Variants in PRB2 observed in about 807,000 individuals in gnomAD.
PRB2 encodes the protein proline rich protein BstNI subfamily 2.
Under a neutral mutation model 8.3 loss-of-function variants are expected in PRB2, and 12 were observed. The observed-to-expected ratio is 1.45, with a 90% CI of 0.93 to 2.35. The LOEUF is 2.35. PRB2 is among the 30% of genes most tolerant of loss of function. PRB2 has a pLI of 0.00. For synonymous variants in PRB2, 146 were observed against 180.0 expected (o/e 0.81, Z 1.51); for missense variants, 470 against 507.0 (o/e 0.93, Z 0.70).
rs764694411 is a variant in PRB2, at chr12:11,393,441, G to A, written c.637C>T (p.Gln213Ter). ...GPPPQGGNKP[Q>*]GPPPPGKPQG... ...GGCTTTCCTGGAGGTGGGGGACCTTGAGGTTTGTTGCCTCCTTGTGGGGGT... is the reference window on the plus strand; with the variant it reads ...GGCTTTCCTGGAGGTGGGGGACCTTAAGGTTTGTTGCCTCCTTGTGGGGGT... The change falls in exon 3 of 4, where the codon CAA becomes TAA. Residue 213 changes from glutamine (Q) to a stop codon, truncating the protein, a stop_gained. Coordinates refer to ENST00000389362, the MANE Select transcript of PRB2 (RefSeq NM_006248.4). LOFTEE classifies it low-confidence loss of function (END_TRUNC). 1 of 1,386,800 alleles carries A rather than the reference G, an allele frequency of 7.2e-7. No individual in the cohort carries two copies. The highest frequency in any genetic ancestry group is 9.6e-7 in the Non-Finnish European group (1 of 1,045,434). 85.9% of individuals were successfully genotyped at this position (1,386,800 alleles called of 1,614,324 possible). A position where few individuals can be genotyped will look rare whatever the true frequency, so the allele number is the denominator to read the frequency against.
Position 11,391,565 on chromosome 12 carries a change from T to A in PRB2, c.*117A>T. The stretch of plus-strand genomic sequence containing the variant: ...TTGCAAGCTAATTATTTTATTGGTA[T>A]ACAGAAGTTAGAGCTATGATGACCT... On this transcript the variant is annotated 3_prime_UTR_variant, in exon 4 of 4. Transcript: ENST00000389362. 1 of 397,362 alleles carries A rather than the reference T, an allele frequency of 2.5e-6. No homozygotes were observed. Among genetic ancestry groups the A allele is most frequent in the Non-Finnish European group, 5.0e-6 (1 of 201,736 alleles). The allele number at this position is 397,362 out of a possible 1,614,324, so 24.6% of individuals were successfully genotyped here. A position where few individuals can be genotyped will look rare whatever the true frequency, so the allele number is the denominator to read the frequency against.
chr12:11,394,399 C>T lies in PRB2; in HGVS notation c.100+96G>A, dbSNP rs200427528. On this transcript the variant is annotated intron_variant, in intron 2 of 3. Coordinates refer to ENST00000389362, the MANE Select transcript of PRB2 (RefSeq NM_006248.4). ...AGGAGCACTAACATTAATCAATTCC[C>T]GAAAGGAAAGTTTTGATAAGAAGAC... 1.8e-4 allele frequency: 262 copies of T among 1,449,952 alleles called. 1 individual carries two copies. The South Asian group carries it at 2.3e-3, about 13-fold the overall frequency. 89.8% of individuals were successfully genotyped at this position (1,449,952 alleles called of 1,614,324 possible).
rs200440137 is a variant in PRB2 at position 11,393,146 on chromosome 12, C to G, written c.932G>C (p.Gly311Ala). 4.1e-4 allele frequency: 637 copies of G among 1,542,066 alleles called. 8 individuals carry two copies. In the African/African-American group the frequency reaches 0.01, roughly 25 times the overall value. ...TGGGGGACCTTGAGGCTGGTTGCCT[C>G]CTTGTGGGGGTGGTCCTTGTGGCTT... ...PGKPQGPPPQ[G>A]GNQPQGPPPP... Residue 311 changes from glycine (G) to alanine (A), a missense_variant, in exon 3 of 4, where the codon GGA (glycine) becomes GCA (alanine). Physicochemically the swap from Gly to Ala is moderately conservative, Grantham distance 60 (BLOSUM62 0). Transcript: ENST00000389362.
At chr12:11,394,415 A>C in intron 2 of PRB2, 80 bp downstream of exon 2, 15 of 1,513,814 alleles carry the variant, frequency 9.9e-6, no homozygotes, top group Non-Finnish European at 1.4e-5. Context: ...GAAAGTTTTG[A>C]TAAGAAGACA....
chr12:11,394,314 A>G (rs996300585), intron 2 of PRB2, among the ~76,000 whole-genome samples, 181 bp downstream of exon 2: 1 of 152,126 alleles, frequency 6.6e-6, no homozygotes, highest in Non-Finnish European at 1.5e-5. Flanking sequence ...CTGCCGTTCA[A>G]TTTGGTGGCC....
intron 3 of PRB2, 31 bp downstream of exon 3, chr12:11,392,763 G>A: frequency 4.8e-6 from 6 of 1,237,884 alleles, no homozygotes; most frequent in Non-Finnish European, 6.5e-6. Context: ...AGCAATTAGA[G>A]CACTTGGTGA....
intron 1 of PRB2, 79 bp downstream of exon 1, chr12:11,395,387 C>T (rs1305180291): frequency 6.3e-7 from 1 of 1,581,622 alleles, no homozygotes; most frequent in Non-Finnish European, 8.7e-7. Context: ...TTTTCATTCT[C>T]CTCTCTTCCC....
Position 11,393,768 on chromosome 12 carries a change from G to T in PRB2, c.310C>A (p.Gln104Lys), listed in dbSNP as rs1864361089. ...PPGKPQGPPP[Q>K]GDKSRSPRSP... ...CGGGGACTTCGGGACTTGTCTCCTT[G>T]TGGGGGTGGTCCTTGTGGCTTTCCT... Residue 104 changes from glutamine (Q) to lysine (K), a missense_variant, in exon 3 of 4, where the codon CAA becomes AAA. Transcript: ENST00000389362. 5 of 1,595,556 alleles carry T rather than the reference G, an allele frequency of 3.1e-6. No homozygotes were observed. Among genetic ancestry groups the T allele is most frequent in the Non-Finnish European group, 2.6e-6 (3 of 1,172,386 alleles).
intron 1 of PRB2, among the ~76,000 whole-genome samples, chr12:11,395,159 T>G (rs1213999614): frequency 6.6e-6 from 1 of 152,068 alleles, no homozygotes; most frequent in African/African-American, 2.4e-5. Context: ...GTTTAGGATC[T>G]TCACAGCTGG....
In PRB2 at chr12:11,393,124, G is replaced by A. The variant is rs368880039; in HGVS notation, c.954C>T (p.Pro318=). The A allele has an allele frequency of 1.5e-5, 23 of 1,582,886 alleles. No individual in the cohort carries two copies. The highest frequency in any genetic ancestry group is 6.3e-5 in the African/African-American group (4 of 63,474). ...PPQGGNQPQG[P]PPPPGKPQGP... Reference sequence around the variant, plus strand: ...CTTGTGGCTTTCCTGGAGGAGGTGGGGGACCTTGAGGCTGGTTGCCTCCTT... The same window carrying A: ...CTTGTGGCTTTCCTGGAGGAGGTGGAGGACCTTGAGGCTGGTTGCCTCCTT... The change falls in exon 3 of 4, where the codon CCC becomes CCT. Residue 318 remains proline (P), a synonymous_variant. Transcript: ENST00000389362.
At position 11,393,344 on chromosome 12, in the gene PRB2, G is replaced by A. The variant is rs766408532; in HGVS notation, c.734C>T (p.Pro245Leu). ...ARSPPGKPQG[P>L]PPQGGNQPQG... Reference sequence around the variant, plus strand: ...GGGCTGGTTGCCTCCTTGTGGGGGTGGTCCTTGTGGCTTTCCTGGAGGAGA... The same window carrying A: ...GGGCTGGTTGCCTCCTTGTGGGGGTAGTCCTTGTGGCTTTCCTGGAGGAGA... The change falls in exon 3 of 4, where the codon CCA (proline) becomes CTA (leucine). Residue 245 changes from proline (P) to leucine (L), a missense_variant. Physicochemically the swap from Pro to Leu is moderately conservative, Grantham distance 98 (BLOSUM62 -3). This residue lies in a region of PRB2 where 205 missense variants were observed against 195.0 expected (regional missense o/e 1.05). Coordinates refer to ENST00000389362, the MANE Select transcript of PRB2 (RefSeq NM_006248.4). The A allele has an allele frequency of 3.2e-6, 5 of 1,583,572 alleles. No individual in the cohort carries two copies. The highest frequency in any genetic ancestry group is 2.6e-6 in the Non-Finnish European group (3 of 1,172,608).
In PRB2 at chr12:11,393,510, G is replaced by A. The variant is rs773509074; in HGVS notation, c.568C>T (p.Gln190Ter). Residue 190 changes from glutamine (Q) to a stop codon, truncating the protein, a stop_gained, in exon 3 of 4, where the codon CAG becomes TAG. Transcript: ENST00000389362. LOFTEE classifies it low-confidence loss of function (END_TRUNC). ...GGAGGAGGTGGGGGACCTTGGGGCT[G>A]GTTGCCTCCTTGTGGGGGTGGTCCT... ...PQGPPPQGGN[Q>*]PQGPPPPPGK... The A allele has an allele frequency of 1.4e-6, 2 of 1,390,042 alleles. No homozygotes were observed. Among genetic ancestry groups the A allele is most frequent in the East Asian group, 2.8e-5 (1 of 35,192 alleles). The allele number at this position is 1,390,042 out of a possible 1,614,324, so 86.1% of individuals were successfully genotyped here. A position where few individuals can be genotyped will look rare whatever the true frequency, so the allele number is the denominator to read the frequency against.
rs1864376111 is a variant in PRB2, at chr12:11,394,425, A to G, written c.100+70T>C. On this transcript the variant is annotated intron_variant, in intron 2 of 3. Transcript: ENST00000389362. ...GAAAGGAAAGTTTTGATAAGAAGACACTGGAGAACTGATCCATTCATAAGC... is the reference window on the plus strand; with the variant it reads ...GAAAGGAAAGTTTTGATAAGAAGACGCTGGAGAACTGATCCATTCATAAGC... 16 of 1,536,900 alleles carry G rather than the reference A, an allele frequency of 1.0e-5. No homozygotes were observed. The South Asian group carries it at 1.1e-4, about 11-fold the overall frequency.
rs766354372 is a variant in PRB2 at position 11,393,921 on chromosome 12, G to T, written c.157C>A (p.Pro53Thr). The T allele has an allele frequency of 7.4e-6, 11 of 1,493,572 alleles. No homozygotes were observed. The highest frequency in any genetic ancestry group is 1.8e-4 in the Middle Eastern group (1 of 5,562). 92.5% of individuals were successfully genotyped at this position (1,493,572 alleles called of 1,614,324 possible). A position where few individuals can be genotyped will look rare whatever the true frequency, so the allele number is the denominator to read the frequency against. ...GGTGGTCCTTGTGGCTTTCCTGGAG[G>T]AGATGGGGGACCTTGAGGTTTGTTG... The part of the protein sequence containing the change: ...GGNKPQGPPS[P>T]PGKPQGPPPQ... Residue 53 changes from proline to threonine, a missense_variant, in exon 3 of 4, where the codon CCT becomes ACT. Physicochemically the swap from Pro to Thr is conservative, Grantham distance 38. Transcript: ENST00000389362.
At chr12:11,394,455 A>G (rs759579632) in intron 2 of PRB2, 40 bp downstream of exon 2, 3 of 1,604,296 alleles carry the variant, frequency 1.9e-6, no homozygotes, top group South Asian at 2.2e-5. Context: ...ATAAGCAGAA[A>G]AAGACAGTCA....
In PRB2 at chr12:11,391,544, A is replaced by G; in HGVS notation, c.*138T>C. The G allele has an allele frequency of 1.8e-5, 7 of 378,498 alleles. No individual in the cohort carries two copies. The highest frequency in any genetic ancestry group is 1.4e-4 in the South Asian group (7 of 50,332). The allele number at this position is 378,498 out of a possible 1,614,324, so 23.4% of individuals were successfully genotyped here. A position where few individuals can be genotyped will look rare whatever the true frequency, so the allele number is the denominator to read the frequency against. On this transcript the variant is annotated 3_prime_UTR_variant, in exon 4 of 4. Transcript: ENST00000389362. The stretch of plus-strand genomic sequence containing the variant: ...AACAGACACCACAATCAGAAATTGC[A>G]AGCTAATTATTTTATTGGTATACAG...
In PRB2 at chr12:11,393,189, A is replaced by T. The variant is rs556174077; in HGVS notation, c.889T>A (p.Ser297Thr). Residue 297 changes from serine (S) to threonine (T), a missense_variant, in exon 3 of 4, where the codon TCT becomes ACT. By Grantham distance (58) the Ser-to-Thr change is moderately conservative (BLOSUM62 1). Around this residue, in one of 4 missense-constraint regions of PRB2, gnomAD observed 205 missense variants for 195.0 expected, o/e 1.05. Transcript: ENST00000389362. The part of the protein sequence containing the change: ...PPQGGSKSRS[S>T]RSPPGKPQGP... ...TGTGGCTTTCCTGGAGGAGATCGAG[A>T]ACTTCGGGACTTGCTGCCTCCTTGT... 3.9e-6 allele frequency: 6 copies of T among 1,548,904 alleles called. No homozygotes were observed. In the East Asian group the frequency reaches 1.4e-4, roughly 36 times the overall value.
chr12:11,393,061 G>A lies in PRB2; in HGVS notation c.1017C>T (p.Pro339=), dbSNP rs75059624. 1.9e-6 allele frequency: 3 copies of A among 1,567,756 alleles called. No individual in the cohort carries two copies. In the African/African-American group the frequency reaches 4.6e-5, roughly 24 times the overall value. Reference sequence around the variant, plus strand: ...GTCCTTGTGGCTTTCCTGGAGGTGGGGGACCTTGAGGTTTGTTGCCTCCTT... The same window carrying A: ...GTCCTTGTGGCTTTCCTGGAGGTGGAGGACCTTGAGGTTTGTTGCCTCCTT... ...PPQGGNKPQG[P]PPPGKPQGPP... The change falls in exon 3 of 4, where the codon CCC becomes CCT. Residue 339 remains proline, a synonymous_variant. Transcript: ENST00000389362.
intron 2 of PRB2, 31 bp downstream of exon 2, chr12:11,394,464 C>T: frequency 6.2e-7 from 1 of 1,608,568 alleles, no homozygotes. Context: ...AAAAGACAGT[C>T]AGAACAGATT....
Sources: gnomAD v4.1 joint callset for allele counts (sites outside exome capture counted in the v4.1 genomes callset) on GRCh38, gnomAD v4.1.1 for gene constraint, gnomAD v4.1.1 regional missense constraint, MANE v1.5 for transcripts, NCBI Gene and HGNC (gene_info 2026-07-23, HGNC 2026-07-21) for gene names.